ZEB1: variants seen among roughly 807,000 people sequenced by gnomAD.
The protein encoded by ZEB1 is zinc finger E-box-binding homeobox 1.
Under a neutral mutation model 84.9 loss-of-function variants are expected in ZEB1, and 21 were observed. That is an observed-to-expected ratio of 0.25 (90% CI 0.18 to 0.36). The LOEUF (loss-of-function observed/expected upper bound fraction) is 0.36, where lower values mean the gene tolerates loss of function less well. Ranked by LOEUF, ZEB1 falls within the 10% of genes least tolerant of loss-of-function variation. The pLI is 1.00. For missense variants in ZEB1, 1,104 were observed against 1,330.2 expected (o/e 0.83, Z 2.65); for synonymous variants, 420 against 471.1 (o/e 0.89, Z 1.41).
chr10:31,353,732 T>A (rs1340908890), intron 1 of ZEB1, among the ~76,000 whole-genome samples: 1 of 152,226 alleles, frequency 6.6e-6, no homozygotes, highest in Non-Finnish European at 1.5e-5. Flanking sequence ...GGTTTGATTA[T>A]GAGTCAGCTT....
At chr10:31,435,401 TCAA>T (rs2058168639) in intron 1 of ZEB1, among the ~76,000 whole-genome samples, 1 of 152,188 alleles carries the variant, frequency 6.6e-6, no homozygotes, top group African/African-American at 2.4e-5. Flanking sequence ...GTTTGTTACA[TCAA>T]CAATAGAAAA....
intron 1 of ZEB1, among the ~76,000 whole-genome samples, chr10:31,458,801 T>C (rs1328231915): frequency 1.3e-5 from 2 of 152,038 alleles, no homozygotes; most frequent in Non-Finnish European, 2.9e-5. Context: ...GGCAAAAAAA[T>C]TATCAATAGA....
intron 2 of ZEB1, 108 bp from the exon 3 acceptor site, chr10:31,495,668 G>T: frequency 9.4e-7 from 1 of 1,069,358 alleles, no homozygotes; most frequent in East Asian, 2.4e-5. Context: ...TGTATACAAT[G>T]TGTAATGATC....
chr10:31,442,815 G>C (rs1259600821), intron 1 of ZEB1, among the ~76,000 whole-genome samples: 2 of 152,212 alleles, frequency 1.3e-5, no homozygotes, highest in African/African-American at 2.4e-5. Flanking sequence ...AAAAGATCAA[G>C]TCAAATGAGG....
chr10:31,369,439 A>G (rs927630368), intron 1 of ZEB1, among the ~76,000 whole-genome samples: 1 of 152,178 alleles, frequency 6.6e-6, no homozygotes, highest in Non-Finnish European at 1.5e-5. Flanking sequence ...TTCCACATGC[A>G]AGTGAGATCA....
chr10:31,483,349 C>T (rs1018156381), intron 2 of ZEB1, among the ~76,000 whole-genome samples: 37 of 151,906 alleles, frequency 2.4e-4, no homozygotes, highest in Non-Finnish European at 8.8e-5. Flanking sequence ...AATATCTTGC[C>T]AAGATGGTAC....
chr10:31,319,206 T>A, upstream of ZEB1: 1 of 1,581,294 alleles, frequency 6.3e-7, no homozygotes, highest in Non-Finnish European at 8.6e-7. Flanking sequence ...AGGAGGTGAC[T>A]CGAGCATTTA....
chr10:31,412,206 A>G (rs2054430874), intron 1 of ZEB1, among the ~76,000 whole-genome samples: 1 of 152,218 alleles, frequency 6.6e-6, no homozygotes, highest in South Asian at 2.1e-4. Flanking sequence ...GGGAATACTA[A>G]TTTTTAAATT....
At chr10:31,457,564 A>C (rs1028609403) in intron 1 of ZEB1, among the ~76,000 whole-genome samples, 9 of 152,088 alleles carry the variant, frequency 5.9e-5, no homozygotes, top group African/African-American at 2.2e-4. Context: ...CTCTGGGAAA[A>C]TTCACAAGAT....
At chr10:31,369,708 T>C (rs952259346) in intron 1 of ZEB1, among the ~76,000 whole-genome samples, 8 of 152,254 alleles carry the variant, frequency 5.3e-5, no homozygotes, top group Admixed American at 2.6e-4. Flanking sequence ...TTCCTTTGGC[T>C]ATATAACCAG....
chr10:31,519,718 T>C lies in ZEB1; in HGVS notation c.794-408T>C, dbSNP rs1338327265. Among the ~76,000 whole-genome samples, 8 of 152,224 alleles carry C rather than the reference T, an allele frequency of 5.3e-5. No homozygotes were observed. The East Asian group carries it at 1.5e-3, about 29-fold the overall frequency. ...ATATGGGACATTTTACTTATTTTTC[T>C]TTTCTTTAATATTTCTCCTACAGAT... On this transcript the variant is annotated intron_variant, in intron 6 of 8. Coordinates refer to ENST00000424869, the MANE Select transcript of ZEB1 (RefSeq NM_001174096.2).
chr10:31,378,795 C>G (rs1159313230), intron 1 of ZEB1, among the ~76,000 whole-genome samples: 2 of 151,932 alleles, frequency 1.3e-5, no homozygotes, highest in African/African-American at 4.8e-5. Flanking sequence ...CCATCTTACA[C>G]TGTAACATAC....
intron 1 of ZEB1, among the ~76,000 whole-genome samples, chr10:31,443,751 T>C (rs1564879623): frequency 1.3e-5 from 2 of 149,744 alleles, no homozygotes; most frequent in Non-Finnish European, 1.5e-5. Flanking sequence ...CTCATCATTT[T>C]TTATCGCTGC....
In ZEB1 at chr10:31,391,266, TGTGTGTGTGTGA is replaced by T. The variant is rs1357614905; in HGVS notation, c.59-69769_59-69758del. ...GTGTGTGTGTGTGTGTGTGTGTGTG[TGTGTGTGTGTGA>T]GATCCAATAATTATTTCTAAATAAG... On this transcript the variant is annotated intron_variant, in intron 1 of 8. Transcript: ENST00000424869. 2.9e-4 allele frequency among the ~76,000 whole-genome samples: 42 copies of T among 146,018 alleles called. 1 individual carries two copies. Among genetic ancestry groups the T allele is most frequent in the South Asian group, 2.3e-3 (11 of 4,702 alleles).
chr10:31,423,671 G>A (rs2056532646), intron 1 of ZEB1, among the ~76,000 whole-genome samples: 2 of 152,060 alleles, frequency 1.3e-5, no homozygotes, highest in South Asian at 4.1e-4. Flanking sequence ...TCTATAAGCG[G>A]CTAGTTGTAG....
chr10:31,376,970 A>G (rs2046742878), intron 1 of ZEB1, among the ~76,000 whole-genome samples: 1 of 151,636 alleles, frequency 6.6e-6, no homozygotes, highest in Non-Finnish European at 1.5e-5. Context: ...TTACTGCTAA[A>G]CAAAAAAAAA....
chr10:31,361,882 G>C (rs2043184873), intron 1 of ZEB1, among the ~76,000 whole-genome samples: 2 of 150,066 alleles, frequency 1.3e-5, no homozygotes, highest in Non-Finnish European at 3.0e-5. Flanking sequence ...AGACGGGACG[G>C]CGGCAAGGCA....
Position 31,496,135 on chromosome 10 carries a change from A to G in ZEB1, c.322+297A>G, listed in dbSNP as rs547300217. Among the ~76,000 whole-genome samples the G allele has an allele frequency of 3.9e-5, 6 of 152,238 alleles. No individual in the cohort carries two copies. The South Asian group carries it at 6.2e-4, about 16-fold the overall frequency. On this transcript the variant is annotated intron_variant, in intron 3 of 8. Transcript: ENST00000424869. Reference sequence around the variant, plus strand: ...TGTTTGAATGATGATTTGAACTTCTATCAAGTTTTTGACCAAAGTTAGAGA... The same window carrying G: ...TGTTTGAATGATGATTTGAACTTCTGTCAAGTTTTTGACCAAAGTTAGAGA...
rs1471699797 is a variant in ZEB1, at chr10:31,474,753, C to T, written c.259+13516C>T. 6.1e-3 allele frequency among the ~76,000 whole-genome samples: 925 copies of T among 152,240 alleles called. 11 individuals are homozygous for T. Among genetic ancestry groups the T allele is most frequent in the African/African-American group, 0.021 (874 of 41,512 alleles). ...TATAAATCATGCTGCTATAAAGACACATGCACACGTATGTTTATTGAGGCA... is the reference window on the plus strand; with the variant it reads ...TATAAATCATGCTGCTATAAAGACATATGCACACGTATGTTTATTGAGGCA... On this transcript the variant is annotated intron_variant, in intron 2 of 8. Coordinates refer to ENST00000424869, the MANE Select transcript of ZEB1 (RefSeq NM_001174096.2).
Sources: gnomAD v4.1 joint callset for allele counts (sites outside exome capture counted in the v4.1 genomes callset) on GRCh38, gnomAD v4.1.1 for gene constraint, MANE v1.5 for transcripts, NCBI Gene and HGNC (gene_info 2026-07-23, HGNC 2026-07-21) for gene names.